DNAJC1: variants seen among roughly 807,000 people sequenced by gnomAD.
The protein encoded by DNAJC1 is dnaJ homolog subfamily C member 1.
DNAJC1 carries 58 observed loss-of-function variants against 76.6 expected under a neutral mutation model. The observed-to-expected ratio is 0.76, with a 90% CI of 0.61 to 0.94. The LOEUF (loss-of-function observed/expected upper bound fraction) is 0.94. DNAJC1 is among the 40% of genes least tolerant of loss of function. The probability of loss-of-function intolerance (pLI) is 0.00; values close to 1 mark genes in which losing one functional copy is unlikely to be tolerated. For synonymous variants in DNAJC1, 258 were observed against 267.9 expected (o/e 0.96, Z 0.36); for missense variants, 689 against 677.3 (o/e 1.02, Z -0.19).
intron 1 of DNAJC1, among the ~76,000 whole-genome samples, chr10:21,999,874 T>C (rs1838489974): frequency 6.6e-6 from 1 of 152,160 alleles, no homozygotes; most frequent in Non-Finnish European, 1.5e-5. Flanking sequence ...ACTCTCTAAG[T>C]GCCTCGGACT....
chr10:21,849,292 CAAAAAAAAAAAAA>C (rs33953332), intron 8 of DNAJC1, among the ~76,000 whole-genome samples: 1 of 35,862 alleles, frequency 2.8e-5, no homozygotes, highest in Admixed American at 5.0e-4. Context: ...GACTCCGCCT[CAAAAAAAAAAAAA>C]AAAAAAAAAA....
chr10:21,859,374 A>G (rs1372169151), intron 8 of DNAJC1, among the ~76,000 whole-genome samples: 1 of 152,182 alleles, frequency 6.6e-6, no homozygotes, highest in African/African-American at 2.4e-5. Context: ...AGAAAATACT[A>G]TTACCTAAGA....
chr10:21,808,867 G>A (rs1474185905), intron 8 of DNAJC1, among the ~76,000 whole-genome samples: 7 of 152,190 alleles, frequency 4.6e-5, no homozygotes, highest in Non-Finnish European at 1.5e-5. Flanking sequence ...ATGGTGTGGA[G>A]ACAGCTGTTG....
intron 8 of DNAJC1, among the ~76,000 whole-genome samples, chr10:21,878,661 A>C (rs1836224522): frequency 6.6e-6 from 1 of 152,158 alleles, no homozygotes; most frequent in African/African-American, 2.4e-5. Context: ...AGATTTGAAC[A>C]ATTACCCAAA....
intron 1 of DNAJC1, among the ~76,000 whole-genome samples, chr10:21,992,011 A>G (rs1214453297): frequency 6.6e-6 from 1 of 152,224 alleles, no homozygotes; most frequent in African/African-American, 2.4e-5. Context: ...AATGTGAAAT[A>G]CTTCATTAAT....
intron 3 of DNAJC1, among the ~76,000 whole-genome samples, chr10:21,921,218 TG>T (rs1837037657): frequency 6.6e-6 from 1 of 151,904 alleles, no homozygotes; most frequent in Non-Finnish European, 1.5e-5. Flanking sequence ...CCCAAAGATG[TG>T]ACTCCTGGAG....
At chr10:21,864,786 AC>A (rs1835971328) in intron 8 of DNAJC1, among the ~76,000 whole-genome samples, 1 of 152,152 alleles carries the variant, frequency 6.6e-6, no homozygotes, top group African/African-American at 2.4e-5. Flanking sequence ...TGATACTTTT[AC>A]TAAAATAAAA....
chr10:21,848,153 A>T (rs1341718592), intron 8 of DNAJC1, among the ~76,000 whole-genome samples: 2 of 152,064 alleles, frequency 1.3e-5, no homozygotes, highest in Non-Finnish European at 2.9e-5. Flanking sequence ...AGTCACTTTA[A>T]CTGGGGTCAG....
chr10:21,946,715 C>T (rs1837511377), intron 1 of DNAJC1, among the ~76,000 whole-genome samples: 1 of 152,070 alleles, frequency 6.6e-6, no homozygotes, highest in East Asian at 1.9e-4. Context: ...ATATGTACAA[C>T]GATGTTCATA....
At chr10:21,787,666 A>G (rs1834629326) in intron 9 of DNAJC1, among the ~76,000 whole-genome samples, 1 of 152,176 alleles carries the variant, frequency 6.6e-6, no homozygotes. Context: ...CTGCCACTCC[A>G]TCCCCCAGCC....
intron 6 of DNAJC1, among the ~76,000 whole-genome samples, chr10:21,915,721 G>A (rs566381965): frequency 5.3e-4 from 81 of 152,064 alleles, no homozygotes; most frequent in African/African-American, 1.8e-3. Context: ...TCTAAAAAAG[G>A]ATGAGATATG....
intron 1 of DNAJC1, among the ~76,000 whole-genome samples, chr10:21,940,196 A>G: frequency 6.6e-6 from 1 of 152,236 alleles, no homozygotes. Context: ...TTTCAAAATA[A>G]AAACTAATTT....
chr10:21,806,363 G>GT (rs1210596031), intron 8 of DNAJC1, among the ~76,000 whole-genome samples: 1 of 152,020 alleles, frequency 6.6e-6, no homozygotes, highest in Non-Finnish European at 1.5e-5. Flanking sequence ...GCAAAACCAG[G>GT]TTTTGCAGAC....
chr10:21,872,776 A>T lies in DNAJC1; in HGVS notation c.978+9506T>A, dbSNP rs112637757. The stretch of plus-strand genomic sequence containing the variant: ...GCAGGTAAGAAATATTTTGAGAAAT[A>T]ATGGTCTAAATCTTCCAAAATTTGA... On this transcript the variant is annotated intron_variant, in intron 8 of 11. Transcript: ENST00000376980. Among the ~76,000 whole-genome samples the T allele has an allele frequency of 2.4e-4, 36 of 152,324 alleles. 1 individual carries two copies. The highest frequency in any genetic ancestry group is 8.4e-4 in the African/African-American group (35 of 41,580).
At chr10:21,955,352 C>T (rs889123410) in intron 1 of DNAJC1, among the ~76,000 whole-genome samples, 1 of 152,052 alleles carries the variant, frequency 6.6e-6, no homozygotes, top group African/African-American at 2.4e-5. Context: ...AGGGGCAAAC[C>T]TCTTCAGGTA....
At chr10:21,845,855 A>ATG in intron 8 of DNAJC1, among the ~76,000 whole-genome samples, 1 of 152,218 alleles carries the variant, frequency 6.6e-6, no homozygotes, top group African/African-American at 2.4e-5. Flanking sequence ...ATTCTTGGTA[A>ATG]TATGCCCCCA....
At chr10:21,895,850 C>A (rs1836532624) in intron 7 of DNAJC1, among the ~76,000 whole-genome samples, 1 of 152,138 alleles carries the variant, frequency 6.6e-6, no homozygotes, top group Non-Finnish European at 1.5e-5. Flanking sequence ...CTTGTGAAAC[C>A]ATGGGGCTTG....
At chr10:21,797,127 T>C (rs555233234) in intron 9 of DNAJC1, among the ~76,000 whole-genome samples, 2 of 152,084 alleles carry the variant, frequency 1.3e-5, no homozygotes, top group African/African-American at 4.8e-5. Context: ...TTTTTTTGCA[T>C]GGTGTAAGTA....
chr10:21,868,024 G>A lies in DNAJC1; in HGVS notation c.978+14258C>T, dbSNP rs1418354457. Among the ~76,000 whole-genome samples the A allele has an allele frequency of 7.0e-5, 9 of 129,122 alleles. No individual in the cohort carries two copies. The Admixed American group carries it at 7.9e-4, about 11-fold the overall frequency. 84.7% of individuals were successfully genotyped at this position (129,122 alleles called of 152,430 possible). Reference sequence around the variant, plus strand: ...GGAGGCAGAGGTTACAGTGAGCTGAGAAGATCGCGCCACTGCACTCCAGCC... The same window carrying A: ...GGAGGCAGAGGTTACAGTGAGCTGAAAAGATCGCGCCACTGCACTCCAGCC... On this transcript the variant is annotated intron_variant, in intron 8 of 11. Transcript: ENST00000376980.
Sources: allele counts gnomAD v4.1 joint callset (sites outside exome capture counted in the v4.1 genomes callset), GRCh38; gene constraint gnomAD v4.1.1; transcripts MANE v1.5; gene names NCBI Gene and HGNC (gene_info 2026-07-23, HGNC 2026-07-21).